ETF1: variants seen among roughly 807,000 people sequenced by gnomAD.
ETF1 encodes eukaryotic translation termination factor 1.
Under a neutral mutation model 55.1 loss-of-function variants are expected in ETF1, and 4 were observed. The observed-to-expected ratio is 0.07, with a 90% confidence interval of 0.04 to 0.17. The LOEUF is 0.17. Ranked by LOEUF, ETF1 falls within the 10% of genes least tolerant of loss-of-function variation. The probability of loss-of-function intolerance (pLI) is 1.00; values close to 1 mark genes in which losing one functional copy is unlikely to be tolerated. For missense variants in ETF1, 142 were observed against 523.6 expected (o/e 0.27, Z 7.11); for synonymous variants, 157 against 182.3 (o/e 0.86, Z 1.12).
At chr5:138,513,231 T>TTC (rs763907320) in intron 5 of ETF1, 4 of 983,846 alleles carry the variant, frequency 4.1e-6, no homozygotes, top group East Asian at 1.1e-4. Context: ...TCATACTGTT[T>TTC]TCTCTCTCTC....
At chr5:138,529,763 T>A in intron 2 of ETF1, 1 of 963,158 alleles carries the variant, frequency 1.0e-6, no homozygotes, top group Non-Finnish European at 1.2e-6. Flanking sequence ...AGAAAGATAA[T>A]TTTTTTAGAG....
chr5:138,542,454 GAAGGGCCCTGGGA>G (rs1302163536), intron 2 of ETF1, among the ~76,000 whole-genome samples: 1 of 152,186 alleles, frequency 6.6e-6, no homozygotes, highest in African/African-American at 2.4e-5. Flanking sequence ...GGAAATCAGG[GAAGGGCCCTGGGA>G]AAGGAAGGCC....
chr5:138,516,786 G>T (rs942008969), intron 4 of ETF1, among the ~76,000 whole-genome samples: 3 of 152,136 alleles, frequency 2.0e-5, no homozygotes, highest in Non-Finnish European at 4.4e-5. Context: ...TAACCTACAC[G>T]ATTCCACAAA....
At chr5:138,512,317 C>A (rs1764854557) in intron 6 of ETF1, among the ~76,000 whole-genome samples, 1 of 129,524 alleles carries the variant, frequency 7.7e-6, no homozygotes, top group African/African-American at 3.0e-5. Context: ...AGGCTACTTC[C>A]TCCAGATCTT....
At chr5:138,508,875 G>A in intron 9 of ETF1, 59 bp from the exon 10 acceptor site, 2 of 1,574,682 alleles carry the variant, frequency 1.3e-6, no homozygotes, top group Non-Finnish European at 1.7e-6. Flanking sequence ...AGGCTAATTA[G>A]TCCCTCTCAC....
chr5:138,515,474 G>A (rs184630618), intron 4 of ETF1, among the ~76,000 whole-genome samples: 4 of 152,194 alleles, frequency 2.6e-5, no homozygotes, highest in East Asian at 3.9e-4. Flanking sequence ...AATATTGCAC[G>A]TTAATAATAT....
chr5:138,525,214 G>T (rs1308903320), intron 2 of ETF1, among the ~76,000 whole-genome samples: 1 of 151,448 alleles, frequency 6.6e-6, no homozygotes, highest in Non-Finnish European at 1.5e-5. Flanking sequence ...CTGGAGTGCA[G>T]TGGGGCGATC....
chr5:138,542,508 G>GGTGGCAGCACCCGAGTCGT, intron 2 of ETF1: 1 of 679,432 alleles, frequency 1.5e-6, no homozygotes, highest in Non-Finnish European at 2.2e-6. Context: ...ACCCGAGTCG[G>GGTGGCAGCACCCGAGTCGT]GTGGCAGCAC....
chr5:138,535,036 C>T lies in ETF1; in HGVS notation c.86+7797G>A, dbSNP rs568818350. ...GCTGGTATTGGCTCACTGCAACTTC[C>T]GCCTCTTGGGTTCAAGCGATTCTCT... On this transcript the variant is annotated intron_variant, in intron 2 of 10. Coordinates refer to ENST00000360541, the MANE Select transcript of ETF1 (RefSeq NM_004730.4). 1.6e-3 allele frequency among the ~76,000 whole-genome samples: 236 copies of T among 151,360 alleles called. 1 individual carries two copies. The highest frequency in any genetic ancestry group is 2.6e-3 in the Non-Finnish European group (174 of 67,898).
rs1003917841 is a variant in ETF1 at position 138,507,677 on chromosome 5, C to G, written c.*628G>C. 1.3e-5 allele frequency: 2 copies of G among 152,704 alleles called. No homozygotes were observed. Among genetic ancestry groups the G allele is most frequent in the Admixed American group, 1.3e-4 (2 of 15,286 alleles). The allele number at this position is 152,704 out of a possible 1,614,324, so 9.5% of individuals were successfully genotyped here. ...TTGATTTTGCAATGCAATTTGCATC[C>G]TTGAAACTGCCAGTCTGGAGGGGGA... On this transcript the variant is annotated 3_prime_UTR_variant, in exon 11 of 11. Coordinates refer to ENST00000360541, the MANE Select transcript of ETF1 (RefSeq NM_004730.4).
At chr5:138,541,571 A>C (rs1766175282) in intron 2 of ETF1, 1 of 1,535,070 alleles carries the variant, frequency 6.5e-7, no homozygotes, top group South Asian at 1.2e-5. Flanking sequence ...ATATAACAGT[A>C]ATAATGAAGA....
chr5:138,522,873 G>A (rs938068946), intron 2 of ETF1, among the ~76,000 whole-genome samples: 3 of 152,056 alleles, frequency 2.0e-5, no homozygotes, highest in Non-Finnish European at 2.9e-5. Context: ...GGGCGCAGTG[G>A]CAGGCGCCTG....
chr5:138,509,200 A>C (rs1197709981), intron 9 of ETF1: 2 of 984,920 alleles, frequency 2.0e-6, no homozygotes, highest in African/African-American at 3.5e-5. Flanking sequence ...GTAGAGAACA[A>C]AGCTCTCCAA....
intron 9 of ETF1, among the ~76,000 whole-genome samples, chr5:138,509,788 G>A (rs1028863019): frequency 4.0e-5 from 6 of 151,180 alleles, no homozygotes; most frequent in South Asian, 2.1e-4. Flanking sequence ...CCATCTACTC[G>A]GGAGGCTGAG....
chr5:138,542,435 G>A (rs1261566520), intron 2 of ETF1, among the ~76,000 whole-genome samples: 1 of 152,174 alleles, frequency 6.6e-6, no homozygotes, highest in Non-Finnish European at 1.5e-5. Flanking sequence ...GAGAAATGAA[G>A]GGAGAAGAGG....
intron 2 of ETF1, among the ~76,000 whole-genome samples, chr5:138,530,018 A>G (rs949636179): frequency 1.3e-5 from 2 of 152,114 alleles, no homozygotes; most frequent in Non-Finnish European, 2.9e-5. Context: ...AGCTAAGGTT[A>G]TAGGCGCAAG....
intron 2 of ETF1, among the ~76,000 whole-genome samples, chr5:138,519,388 G>A (rs1581030520): frequency 6.6e-6 from 1 of 152,002 alleles, no homozygotes; most frequent in African/African-American, 2.4e-5. Flanking sequence ...TCTCGGCCGG[G>A]CACGATGGCT....
At chr5:138,539,313 T>C (rs1766078556) in intron 2 of ETF1, among the ~76,000 whole-genome samples, 1 of 152,230 alleles carries the variant, frequency 6.6e-6, no homozygotes, top group African/African-American at 2.4e-5. Context: ...AGGCCACCTC[T>C]TGCCTGCTCA....
chr5:138,542,244 G>A (rs868765378), intron 2 of ETF1, among the ~76,000 whole-genome samples: 2 of 152,166 alleles, frequency 1.3e-5, no homozygotes, highest in Admixed American at 6.5e-5. Context: ...CTAAAACCAG[G>A]AAGCTCCGGG....
Sources: gnomAD v4.1 joint callset for allele counts (sites outside exome capture counted in the v4.1 genomes callset) on GRCh38, gnomAD v4.1.1 for gene constraint, MANE v1.5 for transcripts, NCBI Gene and HGNC (gene_info 2026-07-23, HGNC 2026-07-21) for gene names.